Variants in KLB observed in about 807,000 individuals in gnomAD.
KLB encodes beta-klotho.
KLB carries 44 observed loss-of-function variants against 88.4 expected under a neutral mutation model. The observed-to-expected ratio is 0.50, with a 90% confidence interval of 0.39 to 0.64. The LOEUF (loss-of-function observed/expected upper bound fraction) is 0.64, where lower values mean the gene tolerates loss of function less well. KLB is among the 30% of genes least tolerant of loss of function. The pLI is 0.00. For synonymous variants in KLB, 548 were observed against 513.4 expected, an observed-to-expected ratio of 1.07 and a Z score of -0.91; for missense variants, 1,137 against 1,304.8, an observed-to-expected ratio of 0.87 and a Z score of 1.98.
intron 1 of KLB, among the ~76,000 whole-genome samples, chr4:39,424,685 G>A (rs1181285370): frequency 1.3e-5 from 2 of 151,588 alleles, no homozygotes; most frequent in African/African-American, 4.9e-5. Context: ...AGGCTGGAGT[G>A]CAGTGGCGCT....
chr4:39,430,467 C>A (rs1338591452), intron 1 of KLB, among the ~76,000 whole-genome samples: 1 of 151,254 alleles, frequency 6.6e-6, no homozygotes, highest in East Asian at 1.9e-4. Context: ...CAGAAAAACC[C>A]GGAAAGAATA....
chr4:39,428,342 C>A (rs1012105736), intron 1 of KLB, among the ~76,000 whole-genome samples: 2 of 151,556 alleles, frequency 1.3e-5, no homozygotes, highest in Non-Finnish European at 2.9e-5. Context: ...GCAGAAGAAT[C>A]GCTTCAACCC....
intron 1 of KLB, among the ~76,000 whole-genome samples, chr4:39,414,446 G>A (rs749662801): frequency 2.0e-5 from 3 of 152,032 alleles, no homozygotes; most frequent in Non-Finnish European, 4.4e-5. Context: ...TGAAATACTT[G>A]AAAGAGCTGC....
At chr4:39,431,392 T>C (rs1004988510) in intron 1 of KLB, among the ~76,000 whole-genome samples, 3 of 152,062 alleles carry the variant, frequency 2.0e-5, no homozygotes, top group Admixed American at 6.6e-5. Context: ...GCTGGGATTA[T>C]AGGCATGCGC....
intron 1 of KLB, among the ~76,000 whole-genome samples, chr4:39,432,300 C>A (rs1304789214): frequency 6.7e-6 from 1 of 149,854 alleles, no homozygotes; most frequent in Admixed American, 6.7e-5. Context: ...AAAAAAAAAA[C>A]AACTCAAATA....
intron 1 of KLB, among the ~76,000 whole-genome samples, chr4:39,411,357 T>TTG: frequency 8.3e-6 from 1 of 120,138 alleles, no homozygotes; most frequent in South Asian, 2.6e-4. Context: ...TTTTTTTTTT[T>TTG]GAGACGGAGT....
intron 1 of KLB, among the ~76,000 whole-genome samples, chr4:39,424,880 C>T (rs1388346165): frequency 6.6e-6 from 1 of 151,846 alleles, no homozygotes; most frequent in Non-Finnish European, 1.5e-5. Context: ...CCACCCGCCT[C>T]GGCCTCCCAA....
At chr4:39,445,447 A>T (rs947000791) in intron 3 of KLB, among the ~76,000 whole-genome samples, 1 of 151,858 alleles carries the variant, frequency 6.6e-6, no homozygotes, top group Admixed American at 6.6e-5. Context: ...TCTCACAGGC[A>T]CATGGGTCGG....
Position 39,434,164 on chromosome 4 carries a change from C to T in KLB, c.826-46C>T, listed in dbSNP as rs371229787. 5.8e-5 allele frequency: 89 copies of T among 1,540,278 alleles called. No homozygotes were observed. In the African/African-American group the frequency reaches 9.6e-4, roughly 17 times the overall value. On this transcript the variant is annotated intron_variant, in intron 1 of 4. Transcript: ENST00000257408. ...GCCATTTACCAGCCATGTTACAGCC[C>T]TTGTAAGTGAGGACAACAAAGATCA...
rs1742758714 is a variant in KLB at position 39,407,581 on chromosome 4, A to G, written c.632A>G (p.Asn211Ser). 6.2e-7 allele frequency: 1 copy of G among 1,614,020 alleles called. No homozygotes were observed. The highest frequency in any genetic ancestry group is 1.7e-5 in the Admixed American group (1 of 59,992). ...ALQEKYGGWK[N>S]DTIIDIFNDY... ...CAAGAAAAATATGGGGGGTGGAAAA[A>G]TGATACCATAATAGATATCTTCAAT... The change falls in exon 1 of 5, where the codon AAT (asparagine) becomes AGT (serine). Residue 211 changes from asparagine (N) to serine (S), a missense_variant. By Grantham distance (46) the Asn-to-Ser change is conservative (BLOSUM62 1). This residue lies in a region of KLB where 597 missense variants were observed against 765.2 expected (regional missense o/e 0.78). Transcript: ENST00000257408.
intron 3 of KLB, among the ~76,000 whole-genome samples, chr4:39,445,015 C>T (rs1743703978): frequency 6.6e-6 from 1 of 152,150 alleles, no homozygotes; most frequent in African/African-American, 2.4e-5. Context: ...AAAACAAGTA[C>T]TTAACTTTTA....
At chr4:39,426,112 C>T (rs1221255566) in intron 1 of KLB, among the ~76,000 whole-genome samples, 1 of 152,114 alleles carries the variant, frequency 6.6e-6, no homozygotes, top group Non-Finnish European at 1.5e-5. Context: ...ATCAGCCAGG[C>T]GTGGTGTCGG....
At chr4:39,445,371 G>A (rs1001289300) in intron 3 of KLB, among the ~76,000 whole-genome samples, 1 of 152,076 alleles carries the variant, frequency 6.6e-6, no homozygotes, top group Non-Finnish European at 1.5e-5. Flanking sequence ...GAGTTTCTAG[G>A]GATAGTCTAC....
At chr4:39,419,167 A>G (rs1162468389) in intron 1 of KLB, among the ~76,000 whole-genome samples, 3 of 152,130 alleles carry the variant, frequency 2.0e-5, no homozygotes, top group Admixed American at 2.0e-4. Context: ...AGAGAGCAAT[A>G]TTTACTTTTT....
At chr4:39,422,824 T>C (rs1012219149) in intron 1 of KLB, among the ~76,000 whole-genome samples, 4 of 151,842 alleles carry the variant, frequency 2.6e-5, no homozygotes, top group Non-Finnish European at 5.9e-5. Context: ...TGCAGTGGTG[T>C]TATCTTGGTT....
At chr4:39,411,632 G>A (rs1349109284) in intron 1 of KLB, among the ~76,000 whole-genome samples, 2 of 151,080 alleles carry the variant, frequency 1.3e-5, no homozygotes, top group Admixed American at 6.6e-5. Context: ...CGATTCTCCC[G>A]CCTCAGCCTC....
intron 1 of KLB, among the ~76,000 whole-genome samples, chr4:39,418,365 A>C (rs1743008513): frequency 6.6e-6 from 1 of 151,852 alleles, no homozygotes; most frequent in Non-Finnish European, 1.5e-5. Context: ...TCAGCCTCCC[A>C]AGTAGCTAAG....
intron 1 of KLB, among the ~76,000 whole-genome samples, chr4:39,433,321 T>C (rs975197022): frequency 1.3e-5 from 2 of 152,230 alleles, no homozygotes; most frequent in Non-Finnish European, 2.9e-5. Flanking sequence ...ACTCTTTCCA[T>C]TGGTCTTCTG....
rs868052696 is a variant in KLB, at chr4:39,420,710, T to C, written c.825+12936T>C. Reference sequence around the variant, plus strand: ...TTTTAGTTTTTGTAGAAACAAGGTCTGACTCTTGTTGCCCAGGCTGGTCTT... The same window carrying C: ...TTTTAGTTTTTGTAGAAACAAGGTCCGACTCTTGTTGCCCAGGCTGGTCTT... On this transcript the variant is annotated intron_variant, in intron 1 of 4. Coordinates refer to ENST00000257408, the MANE Select transcript of KLB (RefSeq NM_175737.4). Among the ~76,000 whole-genome samples, 12 of 152,234 alleles carry C rather than the reference T, an allele frequency of 7.9e-5. No homozygotes were observed. In the South Asian group the frequency reaches 1.2e-3, roughly 16 times the overall value.
Sources: gnomAD v4.1 joint callset for allele counts (sites outside exome capture counted in the v4.1 genomes callset) on GRCh38, gnomAD v4.1.1 for gene constraint, gnomAD v4.1.1 regional missense constraint, MANE v1.5 for transcripts, NCBI Gene and HGNC (gene_info 2026-07-23, HGNC 2026-07-21) for gene names.